The following CPLX4 variants were observed in gnomAD, a reference collection of about 807,000 sequenced individuals.
CPLX4 encodes the protein complexin 4, also known as complexin-4.
A neutral mutation model predicts 16.1 loss-of-function variants in CPLX4; 17 were observed. The observed-to-expected ratio is 1.06, with a 90% CI of 0.72 to 1.59. The LOEUF is 1.59. CPLX4 is among the 40% of genes most tolerant of loss of function. The probability of loss-of-function intolerance (pLI) is 0.00; values close to 1 mark genes in which losing one functional copy is unlikely to be tolerated. For missense variants in CPLX4, 193 were observed against 192.9 expected, an observed-to-expected ratio of 1.00 and a Z score of 0.00; for synonymous variants, 55 against 57.8, an observed-to-expected ratio of 0.95 and a Z score of 0.22.
At chr18:59,307,821 G>A (rs137960911) in intron 2 of CPLX4, among the ~76,000 whole-genome samples, 6 of 142,970 alleles carry the variant, frequency 4.2e-5, no homozygotes, top group South Asian at 2.3e-4. Context: ...GCCCAATCTC[G>A]GCTCACTGCA....
intron 2 of CPLX4, among the ~76,000 whole-genome samples, chr18:59,304,134 A>G (rs1047202988): frequency 6.6e-6 from 1 of 152,200 alleles, no homozygotes; most frequent in African/African-American, 2.4e-5. Flanking sequence ...TCCTATATGC[A>G]TCTTTATTCG....
chr18:59,304,760 C>T lies in CPLX4; in HGVS notation c.256-7835G>A, dbSNP rs150829666. On this transcript the variant is annotated intron_variant, in intron 2 of 2. Transcript: ENST00000299721. ...CTAATTTTTGTATTTTTAGTAGAGA[C>T]GGGGTTTCACCATGTTGGCCAGGAT... Among the ~76,000 whole-genome samples the T allele has an allele frequency of 0.017, 2,569 of 152,132 alleles. 204 individuals are homozygous for T. The East Asian group carries it at 0.25, about 15-fold the overall frequency.
intron 1 of CPLX4, among the ~76,000 whole-genome samples, chr18:59,313,823 G>T (rs905421880): frequency 1.3e-5 from 2 of 152,184 alleles, no homozygotes; most frequent in Non-Finnish European, 2.9e-5. Context: ...GGGAAAGAGT[G>T]CTCGTGGCCT....
chr18:59,299,402 ATGTCACC>A (rs2070524363), intron 2 of CPLX4, among the ~76,000 whole-genome samples: 1 of 152,186 alleles, frequency 6.6e-6, no homozygotes, highest in Admixed American at 6.5e-5. Context: ...ATCCCCAAGC[ATGTCACC>A]AGGTTTGAAC....
At chr18:59,312,502 A>AAT (rs1422286029) in intron 2 of CPLX4, among the ~76,000 whole-genome samples, 183 bp downstream of exon 2, 4 of 146,238 alleles carry the variant, frequency 2.7e-5, no homozygotes, top group Admixed American at 6.9e-5. Context: ...ATATATCCTG[A>AAT]ATATATATAT....
rs537587546 is a variant in CPLX4, at chr18:59,295,622, T to C, written c.*1076A>G. ...TTTGGTTTGGTGGGCTTTAGCTAAA[T>C]AGCTCGAAGTGTTTCAGTGGTAATT... On this transcript the variant is annotated 3_prime_UTR_variant, in exon 3 of 3. Coordinates refer to ENST00000299721, the MANE Select transcript of CPLX4 (RefSeq NM_181654.4). 1.3e-5 allele frequency: 2 copies of C among 151,784 alleles called. No homozygotes were observed. The highest frequency in any genetic ancestry group is 2.9e-5 in the Non-Finnish European group (2 of 67,942). The allele number at this position is 151,784 out of a possible 1,614,324, so 9.4% of individuals were successfully genotyped here.
chr18:59,313,178 G>T (rs1176490662), intron 1 of CPLX4, among the ~76,000 whole-genome samples: 1 of 152,136 alleles, frequency 6.6e-6, no homozygotes, highest in Non-Finnish European at 1.5e-5. Context: ...GGGAGGGGAA[G>T]CTACATTTTT....
intron 2 of CPLX4, among the ~76,000 whole-genome samples, chr18:59,299,242 A>C (rs2070523391): frequency 6.6e-6 from 1 of 152,208 alleles, no homozygotes; most frequent in Non-Finnish European, 1.5e-5. Flanking sequence ...TTTTGCAGGA[A>C]GGAGAGGAAA....
intron 2 of CPLX4, among the ~76,000 whole-genome samples, chr18:59,297,478 C>T (rs28639458): frequency 0.039 from 5,929 of 152,118 alleles, 382 homozygotes; most frequent in African/African-American, 0.13. Flanking sequence ...CGGGGTTTCA[C>T]CATGTTGGCC....
At position 59,296,670 on chromosome 18, in the gene CPLX4, G is replaced by C. The variant is rs9954747; in HGVS notation, c.*28C>G. ...AGAGTGGTCTTTTCCAAGGATGGCT[G>C]GTTCCCTCCCTCCACCCCTCCCACC... On this transcript the variant is annotated 3_prime_UTR_variant, in exon 3 of 3. Transcript: ENST00000299721. 62 of 1,593,560 alleles carry C rather than the reference G, an allele frequency of 3.9e-5. No homozygotes were observed. The highest frequency in any genetic ancestry group is 5.1e-5 in the Non-Finnish European group (59 of 1,163,150).
At chr18:59,317,910 C>CACGTAGAAAGTCTG (rs2070661815) in intron 1 of CPLX4, among the ~76,000 whole-genome samples, 1 of 151,036 alleles carries the variant, frequency 6.6e-6, no homozygotes, top group African/African-American at 2.4e-5. Flanking sequence ...TGAATTCTTA[C>CACGTAGAAAGTCTG]AATTTGAAGA....
chr18:59,299,048 C>A (rs1181686859), intron 2 of CPLX4, among the ~76,000 whole-genome samples: 1 of 152,254 alleles, frequency 6.6e-6, no homozygotes, highest in African/African-American at 2.4e-5. Context: ...GAAGCCTCTC[C>A]CTGCTCTTGG....
At chr18:59,298,102 T>G (rs899174701) in intron 2 of CPLX4, among the ~76,000 whole-genome samples, 5 of 152,128 alleles carry the variant, frequency 3.3e-5, no homozygotes, top group Admixed American at 3.3e-4. Flanking sequence ...TATTTTTTTT[T>G]TTTTTTAGAC....
intron 1 of CPLX4, 82 bp from the exon 2 acceptor site, chr18:59,312,854 G>T: frequency 1.4e-6 from 1 of 733,702 alleles, no homozygotes. Flanking sequence ...CCAGACACAG[G>T]GTTACACCTT....
intron 2 of CPLX4, among the ~76,000 whole-genome samples, chr18:59,305,048 A>G (rs1381760481): frequency 2.6e-5 from 4 of 152,056 alleles, no homozygotes; most frequent in Non-Finnish European, 4.4e-5. Context: ...AGGAGCACAC[A>G]GTAGGTGCAG....
chr18:59,298,338 T>G (rs1006171048), intron 2 of CPLX4, among the ~76,000 whole-genome samples: 1 of 152,148 alleles, frequency 6.6e-6, no homozygotes. Context: ...CTGGGAAAGG[T>G]TAACAGTAGC....
rs1009652069 is a variant in CPLX4 at position 59,295,700 on chromosome 18, A to G, written c.*998T>C. ...TGAAAGAGAGCAGATATTAGGGGGG[A>G]AAAATCAGTGTCTACCCTGAAAGCT... is the stretch of plus-strand genomic sequence containing the variant. On this transcript the variant is annotated 3_prime_UTR_variant, in exon 3 of 3. Coordinates refer to ENST00000299721, the MANE Select transcript of CPLX4 (RefSeq NM_181654.4). The G allele has an allele frequency of 7.9e-5, 12 of 151,856 alleles. No individual in the cohort carries two copies. The highest frequency in any genetic ancestry group is 1.6e-4 in the Non-Finnish European group (11 of 67,996). 9.4% of individuals were successfully genotyped at this position (151,856 alleles called of 1,614,324 possible).
chr18:59,305,848 C>G (rs1380902629), intron 2 of CPLX4, among the ~76,000 whole-genome samples: 1 of 152,120 alleles, frequency 6.6e-6, no homozygotes, highest in Non-Finnish European at 1.5e-5. Context: ...CAAGGGGGCA[C>G]CCCGGAATAT....
At chr18:59,308,882 G>A (rs772406430) in intron 2 of CPLX4, among the ~76,000 whole-genome samples, 29 of 152,336 alleles carry the variant, frequency 1.9e-4, no homozygotes, top group Non-Finnish European at 3.7e-4. Flanking sequence ...GGACGCGGGC[G>A]GGAGGGTAAC....
Sources: allele counts gnomAD v4.1 joint callset (sites outside exome capture counted in the v4.1 genomes callset), GRCh38; gene constraint gnomAD v4.1.1; transcripts MANE v1.5; gene names NCBI Gene and HGNC (gene_info 2026-07-23, HGNC 2026-07-21).